EVI5: variants seen among roughly 807,000 people sequenced by gnomAD.
EVI5 encodes the protein ecotropic viral integration site 5 protein homolog.
Under a neutral mutation model 112.0 loss-of-function variants are expected in EVI5, and 73 were observed. That is an observed-to-expected ratio of 0.65 (90% CI 0.54 to 0.79). The LOEUF (loss-of-function observed/expected upper bound fraction) is 0.79, where lower values mean the gene tolerates loss of function less well. Ranked by LOEUF, EVI5 falls within the 30% of genes least tolerant of loss-of-function variation. EVI5 has a pLI of 0.00. For synonymous variants in EVI5, 305 were observed against 319.9 expected, an observed-to-expected ratio of 0.95 and a Z score of 0.50; for missense variants, 900 against 968.8, an observed-to-expected ratio of 0.93 and a Z score of 0.94.
At chr1:92,635,855 A>G (rs919917137) in intron 14 of EVI5, among the ~76,000 whole-genome samples, 4 of 152,160 alleles carry the variant, frequency 2.6e-5, no homozygotes, top group East Asian at 1.9e-4. Flanking sequence ...TCTCTTCCAC[A>G]TGAAAATATT....
At chr1:92,680,131 A>T (rs1286541910) in intron 9 of EVI5, among the ~76,000 whole-genome samples, 5 of 152,130 alleles carry the variant, frequency 3.3e-5, no homozygotes, top group South Asian at 2.1e-4. Context: ...ATCTTTTTTT[A>T]AAATGTTGAT....
chr1:92,732,464 A>G (rs953747204), intron 2 of EVI5: 3 of 201,948 alleles, frequency 1.5e-5, no homozygotes, highest in South Asian at 7.7e-5. Context: ...TGATGGAGAT[A>G]TATCACTGCC....
rs781351466 is a variant in EVI5 at position 92,607,702 on chromosome 1, C to T, written c.1853G>A (p.Arg618Gln). The change falls in exon 17 of 20, where the codon CGA (arginine) becomes CAA (glutamine). Residue 618 changes from arginine (R) to glutamine (Q), a missense_variant. Transcript: ENST00000684568. ...TQNQINSNHL[R>Q]RAEQEVISLQ... ...GCTAATCACCTCTTGTTCTGCTCTTCGAAGATGGTTACTATTGATCTGGTT... is the reference window on the plus strand; with the variant it reads ...GCTAATCACCTCTTGTTCTGCTCTTTGAAGATGGTTACTATTGATCTGGTT... 2.8e-5 allele frequency: 45 copies of T among 1,601,946 alleles called. No homozygotes were observed. Among genetic ancestry groups the T allele is most frequent in the Admixed American group, 1.5e-4 (9 of 58,478 alleles).
chr1:92,683,982 G>A (rs767206114), intron 9 of EVI5, among the ~76,000 whole-genome samples: 56 of 152,128 alleles, frequency 3.7e-4, no homozygotes, highest in African/African-American at 1.0e-3. Flanking sequence ...CACTCTTCAC[G>A]ATATTATCCA....
At chr1:92,650,715 T>A (rs965513939) in intron 13 of EVI5, among the ~76,000 whole-genome samples, 1 of 152,148 alleles carries the variant, frequency 6.6e-6, no homozygotes, top group Non-Finnish European at 1.5e-5. Context: ...CCTGATTAAA[T>A]AATTTCTTAA....
At chr1:92,735,620 TATG>T (rs1677204606) in intron 2 of EVI5, among the ~76,000 whole-genome samples, 1 of 134,240 alleles carries the variant, frequency 7.4e-6, no homozygotes, top group Admixed American at 8.1e-5. Flanking sequence ...TATATAATTA[TATG>T]ATATATGATA....
At chr1:92,778,668 T>G (rs1422248528) in intron 1 of EVI5, among the ~76,000 whole-genome samples, 1 of 152,140 alleles carries the variant, frequency 6.6e-6, no homozygotes, top group Non-Finnish European at 1.5e-5. Flanking sequence ...CCAGATCAAT[T>G]ATTTCAATCT....
At chr1:92,777,741 G>T in intron 1 of EVI5, among the ~76,000 whole-genome samples, 1 of 152,090 alleles carries the variant, frequency 6.6e-6, no homozygotes, top group East Asian at 1.9e-4. Context: ...ATCTAATTTT[G>T]CTTCCTCCCA....
chr1:92,632,575 T>A (rs536363683), intron 14 of EVI5, among the ~76,000 whole-genome samples: 27 of 152,304 alleles, frequency 1.8e-4, no homozygotes, highest in African/African-American at 6.5e-4. Context: ...TCTTTTCTTC[T>A]TTATTAGTCT....
At chr1:92,563,507 T>C in intron 19 of EVI5, 135 bp downstream of exon 19, 2 of 466,100 alleles carry the variant, frequency 4.3e-6, no homozygotes, top group Non-Finnish European at 7.6e-6. Flanking sequence ...TTTTCAAAAA[T>C]GTTATTAATT....
At chr1:92,765,164 C>T (rs1682420273) in intron 1 of EVI5, among the ~76,000 whole-genome samples, 1 of 150,424 alleles carries the variant, frequency 6.6e-6, no homozygotes, top group African/African-American at 2.4e-5. Flanking sequence ...ACCAGACATT[C>T]CTTATATATA....
rs1174474972 is a variant in EVI5 at position 92,509,551 on chromosome 1, G to T, written c.*4105C>A. The T allele has an allele frequency of 6.6e-6, 1 of 151,300 alleles. No individual in the cohort carries two copies. Among genetic ancestry groups the T allele is most frequent in the Non-Finnish European group, 1.5e-5 (1 of 68,018 alleles). 9.4% of individuals were successfully genotyped at this position (151,300 alleles called of 1,614,324 possible). The stretch of plus-strand genomic sequence containing the variant: ...CATGTTGCCCAGGTTGGAGTGCAGT[G>T]GTTATTCTTTCACAGGTGTGATCAT... On this transcript the variant is annotated 3_prime_UTR_variant, in exon 20 of 20. Coordinates refer to ENST00000684568, the MANE Select transcript of EVI5 (RefSeq NM_001350197.2).
intron 1 of EVI5, among the ~76,000 whole-genome samples, chr1:92,755,436 A>C (rs1380028190): frequency 2.6e-5 from 4 of 152,014 alleles, no homozygotes; most frequent in Non-Finnish European, 5.9e-5. Flanking sequence ...AAACCAAAAA[A>C]CCCAAAAACA....
intron 1 of EVI5, among the ~76,000 whole-genome samples, chr1:92,746,063 C>T (rs1393724322): frequency 6.6e-6 from 1 of 152,184 alleles, no homozygotes; most frequent in African/African-American, 2.4e-5. Flanking sequence ...CAATCAATCA[C>T]AGCAACCAAG....
intron 19 of EVI5, among the ~76,000 whole-genome samples, chr1:92,525,624 T>C (rs1661740815): frequency 6.6e-6 from 1 of 152,158 alleles, no homozygotes; most frequent in Admixed American, 6.5e-5. Context: ...GTTGACTAGG[T>C]TAGTAATTTT....
intron 16 of EVI5, among the ~76,000 whole-genome samples, chr1:92,615,436 C>T (rs1030123503): frequency 1.3e-5 from 2 of 152,102 alleles, no homozygotes; most frequent in African/African-American, 4.8e-5. Flanking sequence ...CACAGCCTTG[C>T]CAGGTGTCTA....
chr1:92,774,937 T>C (rs556178812), intron 1 of EVI5, among the ~76,000 whole-genome samples: 1 of 152,102 alleles, frequency 6.6e-6, no homozygotes, highest in South Asian at 2.1e-4. Flanking sequence ...ACTTAGGGGG[T>C]CACAATCAAC....
At chr1:92,738,214 A>G (rs1677766324) in intron 1 of EVI5, among the ~76,000 whole-genome samples, 1 of 152,222 alleles carries the variant, frequency 6.6e-6, no homozygotes, top group Non-Finnish European at 1.5e-5. Context: ...CATAGTAGGC[A>G]CTAAGATAGC....
chr1:92,726,475 T>C (rs980989201), intron 2 of EVI5, among the ~76,000 whole-genome samples: 1 of 152,096 alleles, frequency 6.6e-6, no homozygotes, highest in South Asian at 2.1e-4. Context: ...GAAATATATG[T>C]AAAAATCAAA....
Sources: gnomAD v4.1 joint callset for allele counts (sites outside exome capture counted in the v4.1 genomes callset) on GRCh38, gnomAD v4.1.1 for gene constraint, MANE v1.5 for transcripts, NCBI Gene and HGNC (gene_info 2026-07-23, HGNC 2026-07-21) for gene names.